IGSF9: variants seen among roughly 807,000 people sequenced by gnomAD.
The protein encoded by IGSF9 is immunoglobulin superfamily member 9.
A neutral mutation model predicts 121.7 loss-of-function variants in IGSF9; 87 were observed. That is an observed-to-expected ratio of 0.71 (90% CI 0.60 to 0.85). IGSF9 has a LOEUF of 0.85. IGSF9 is among the 40% of genes least tolerant of loss of function. The pLI is 0.00. For synonymous variants in IGSF9, 640 were observed against 648.4 expected (o/e 0.99, Z 0.20); for missense variants, 1,462 against 1,565.3 (o/e 0.93, Z 1.11).
In IGSF9 at chr1:159,928,608, A is replaced by G. The variant is rs2101873522; in HGVS notation, c.2780T>C (p.Leu927Pro). Residue 927 changes from leucine to proline, a missense_variant, in exon 19 of 21, where the codon CTG (leucine) becomes CCG (proline). By Grantham distance (98) the Leu-to-Pro change is moderately conservative (BLOSUM62 -3). This residue lies in a region of IGSF9 where 808 missense variants were observed against 815.2 expected (regional missense o/e 0.99). Coordinates refer to ENST00000368094, the MANE Select transcript of IGSF9 (RefSeq NM_001135050.2). The part of the protein sequence containing the change: ...LPGPGPLLQY[L>P]SLPFFREMNV... ...CATCTCTCGGAAGAAGGGCAGGCTCAGGTACTGGAGCAGGGGTCCAGGACC... is the reference window on the plus strand; with the variant it reads ...CATCTCTCGGAAGAAGGGCAGGCTCGGGTACTGGAGCAGGGGTCCAGGACC... 2 of 1,497,908 alleles carry G rather than the reference A, an allele frequency of 1.3e-6. No individual in the cohort carries two copies. Among genetic ancestry groups the G allele is most frequent in the Non-Finnish European group, 8.9e-7 (1 of 1,121,900 alleles). 92.8% of individuals were successfully genotyped at this position (1,497,908 alleles called of 1,614,324 possible).
intron 15 of IGSF9, 53 bp from the exon 16 acceptor site, chr1:159,930,028 C>G (rs1408590349): frequency 1.3e-6 from 2 of 1,578,090 alleles, no homozygotes; most frequent in African/African-American, 2.7e-5. Context: ...CACCGCCCAA[C>G]CCAGCGGGGC....
Position 159,937,745 on chromosome 1 carries a change from T to C in IGSF9, c.341A>G (p.Asp114Gly). Residue 114 changes from aspartate (D) to glycine (G), a missense_variant, in exon 4 of 21, where the codon GAC (aspartate) becomes GGC (glycine). Asp to Gly is a moderately conservative substitution (Grantham distance 94). Transcript: ENST00000368094. ...GWYECRVFFL[D>G]QHIPEDDFAN... Reference sequence around the variant, plus strand: ...AAAATCGTCTTCAGGGATGTGCTGGTCCAGGAAGAACACGCGGCACTCGTA... The same window carrying C: ...AAAATCGTCTTCAGGGATGTGCTGGCCCAGGAAGAACACGCGGCACTCGTA... 6.2e-7 allele frequency: 1 copy of C among 1,614,046 alleles called. No individual in the cohort carries two copies. Among genetic ancestry groups the C allele is most frequent in the Non-Finnish European group, 8.5e-7 (1 of 1,179,968 alleles).
Position 159,937,823 on chromosome 1 carries a change from T to A in IGSF9, c.263A>T (p.Gln88Leu), listed in dbSNP as rs764898212. 1.2e-6 allele frequency: 2 copies of A among 1,613,890 alleles called. No individual in the cohort carries two copies. Among genetic ancestry groups the A allele is most frequent in the Non-Finnish European group, 1.7e-6 (2 of 1,179,864 alleles). The change falls in exon 4 of 21, where the codon CAG becomes CTG. Residue 88 changes from glutamine to leucine, a missense_variant. Physicochemically the swap from Gln to Leu is moderately radical, Grantham distance 113. Transcript: ENST00000368094. ...CTCAATCTGGAGAGAGGCCCCCTTC[T>A]GCAGCCGGACTCGTCCTGGGGGAGG... ...DPDYVGRVRL[Q>L]KGASLQIEGL...
Position 159,932,187 on chromosome 1 carries a change from C to G in IGSF9, c.1246-259G>C, listed in dbSNP as rs1372164243. On this transcript the variant is annotated intron_variant, in intron 10 of 20. Coordinates refer to ENST00000368094, the MANE Select transcript of IGSF9 (RefSeq NM_001135050.2). This position sits in a 1 kb window ranked among gnomAD's most constrained non-coding sequence, Gnocchi z 4.1. ...GGCTGGCAGGCTTAGGCAGGACTCTCAGAGATGTACAAACCTCTGCAGAAC... is the reference window on the plus strand; with the variant it reads ...GGCTGGCAGGCTTAGGCAGGACTCTGAGAGATGTACAAACCTCTGCAGAAC... 5 of 567,490 alleles carry G rather than the reference C, an allele frequency of 8.8e-6. No homozygotes were observed. Among genetic ancestry groups the G allele is most frequent in the Admixed American group, 3.4e-5 (1 of 29,684 alleles). The allele number at this position is 567,490 out of a possible 1,614,324, so 35.2% of individuals were successfully genotyped here.
chr1:159,935,171 C>A lies in IGSF9; in HGVS notation c.674-349G>T, dbSNP rs146537732. ...TCTTGAATTACTTCTCTGTCTCTGG[C>A]CCTAACCCAGGTGCCCAATACCTCA... On this transcript the variant is annotated intron_variant, in intron 6 of 20. Coordinates refer to ENST00000368094, the MANE Select transcript of IGSF9 (RefSeq NM_001135050.2). 3.7e-3 allele frequency among the ~76,000 whole-genome samples: 568 copies of A among 152,242 alleles called. 2 individuals carry two copies. Among genetic ancestry groups the A allele is most frequent in the Non-Finnish European group, 5.9e-3 (404 of 68,012 alleles).
rs974679163 is a variant in IGSF9 at position 159,943,310 on chromosome 1, A to G, written c.58+87T>C. 8 of 1,394,742 alleles carry G rather than the reference A, an allele frequency of 5.7e-6. No homozygotes were observed. The African/African-American group carries it at 1.2e-4, about 20-fold the overall frequency. The allele number at this position is 1,394,742 out of a possible 1,614,324, so 86.4% of individuals were successfully genotyped here. Reference sequence around the variant, plus strand: ...CCAGCCCTATTCCTCCCCTGCCCTCACATGCTCAAAGAGGAACCCTTGAGG... The same window carrying G: ...CCAGCCCTATTCCTCCCCTGCCCTCGCATGCTCAAAGAGGAACCCTTGAGG... On this transcript the variant is annotated intron_variant, in intron 2 of 20. Coordinates refer to ENST00000368094, the MANE Select transcript of IGSF9 (RefSeq NM_001135050.2).
rs1557930438 is a variant in IGSF9, at chr1:159,929,337, G to T, written c.2369+14C>A. ...GGAAAGGCAGAAGAAAGCCAAGGAG[G>T]TGGAGGCACTTACGGTGCAGCTGAC... On this transcript the variant is annotated intron_variant, in intron 18 of 20. Transcript: ENST00000368094. 6.2e-7 allele frequency: 1 copy of T among 1,613,514 alleles called. No homozygotes were observed. Among genetic ancestry groups the T allele is most frequent in the East Asian group, 2.2e-5 (1 of 44,882 alleles).
chr1:159,932,844 A>G lies in IGSF9; in HGVS notation c.1105-192T>C. On this transcript the variant is annotated intron_variant, in intron 9 of 20. Transcript: ENST00000368094. This position sits in a 1 kb window ranked among gnomAD's most constrained non-coding sequence, Gnocchi z 4.1. ...TTCCTGCAGAGGGACCCCTCCCAAT[A>G]GTGTGAGGCTGTGACTGCACAACTC... is the stretch of plus-strand genomic sequence containing the variant. The G allele has an allele frequency of 1.7e-6, 1 of 573,852 alleles. No individual in the cohort carries two copies. The highest frequency in any genetic ancestry group is 3.0e-6 in the Non-Finnish European group (1 of 331,838). 35.5% of individuals were successfully genotyped at this position (573,852 alleles called of 1,614,324 possible).
At position 159,943,024 on chromosome 1, in the gene IGSF9, G is replaced by C. The variant is rs1162756400; in HGVS notation, c.186C>G (p.Phe62Leu). 3 of 1,613,244 alleles carry C rather than the reference G, an allele frequency of 1.9e-6. No homozygotes were observed. Among genetic ancestry groups the C allele is most frequent in the Middle Eastern group, 1.6e-4 (1 of 6,082 alleles). ...CGAACTGGATGAAGATGGGAAGCAG[G>C]AATCCAAAGCGCAGCCACTCGATGA... The part of the protein sequence containing the change: ...LHVIEWLRFG[F>L]LLPIFIQFGL... The change falls in exon 3 of 21, where the codon TTC (phenylalanine) becomes TTG (leucine). Residue 62 changes from phenylalanine (F) to leucine (L), a missense_variant. Physicochemically the swap from Phe to Leu is conservative, Grantham distance 22. Around this residue, in one of 3 missense-constraint regions of IGSF9, gnomAD observed 558 missense variants for 599.4 expected, o/e 0.93. Transcript: ENST00000368094.
intron 3 of IGSF9, among the ~76,000 whole-genome samples, chr1:159,940,467 G>A (rs1557937110): frequency 6.6e-6 from 1 of 152,212 alleles, no homozygotes. Context: ...CAGGGCTAAA[G>A]CCTGTTGACT....
intron 6 of IGSF9, among the ~76,000 whole-genome samples, chr1:159,936,044 C>T (rs1225230088): frequency 6.6e-6 from 1 of 152,194 alleles, no homozygotes; most frequent in African/African-American, 2.4e-5. Context: ...CTGGGCTCAG[C>T]TGCACCTAAG....
Position 159,930,860 on chromosome 1 carries a change from G to T in IGSF9, c.1645C>A (p.Arg549Ser), listed in dbSNP as rs141602236. ...CAGTCATGGTGCATTCGGTCAGGAC[G>T]CTTGGCCCTGGGAGACATGAGGACA... is the stretch of plus-strand genomic sequence containing the variant. ...FSVWYTPLAK[R>S]PDRMHHDWVS... Residue 549 changes from arginine to serine, a missense_variant, in exon 14 of 21, where the codon CGT (arginine) becomes AGT (serine). By Grantham distance (110) the Arg-to-Ser change is moderately radical (BLOSUM62 -1). Transcript: ENST00000368094. The T allele has an allele frequency of 2.5e-6, 4 of 1,604,520 alleles. No individual in the cohort carries two copies. Among genetic ancestry groups the T allele is most frequent in the Non-Finnish European group, 3.4e-6 (4 of 1,175,090 alleles).
chr1:159,942,433 A>G (rs1651415409), intron 3 of IGSF9, among the ~76,000 whole-genome samples: 1 of 152,120 alleles, frequency 6.6e-6, no homozygotes, highest in South Asian at 2.1e-4. Flanking sequence ...TGTCCCTGGA[A>G]AAGCAGAGAG....
rs1242898159 is a variant in IGSF9, at chr1:159,932,396, T to C, written c.1245+116A>G. ...GCCGTGGCCACCATGGGAAACAAACTTGGAAACCCCTCCCCATGTGTCTGC... is the reference window on the plus strand; with the variant it reads ...GCCGTGGCCACCATGGGAAACAAACCTGGAAACCCCTCCCCATGTGTCTGC... On this transcript the variant is annotated intron_variant, in intron 10 of 20. Coordinates refer to ENST00000368094, the MANE Select transcript of IGSF9 (RefSeq NM_001135050.2). This position sits in a 1 kb window ranked among gnomAD's most constrained non-coding sequence, Gnocchi z 4.1. 9 of 1,162,802 alleles carry C rather than the reference T, an allele frequency of 7.7e-6. No homozygotes were observed. The highest frequency in any genetic ancestry group is 1.1e-5 in the Non-Finnish European group (9 of 817,610). The allele number at this position is 1,162,802 out of a possible 1,614,324, so 72.0% of individuals were successfully genotyped here. A position where few individuals can be genotyped will look rare whatever the true frequency, so the allele number is the denominator to read the frequency against.
Position 159,927,207 on chromosome 1 carries a change from C to G in IGSF9, c.*138G>C. On this transcript the variant is annotated 3_prime_UTR_variant, in exon 21 of 21. Transcript: ENST00000368094. ...ACATACATTCCATACCAAGGTGACC[C>G]AAACCCACTATCAGGGTCTGTGCCT... The G allele has an allele frequency of 1.9e-6, 2 of 1,041,640 alleles. No homozygotes were observed. Among genetic ancestry groups the G allele is most frequent in the Non-Finnish European group, 2.9e-6 (2 of 684,160 alleles). 64.5% of individuals were successfully genotyped at this position (1,041,640 alleles called of 1,614,324 possible). A position where few individuals can be genotyped will look rare whatever the true frequency, so the allele number is the denominator to read the frequency against.
intron 3 of IGSF9, among the ~76,000 whole-genome samples, chr1:159,939,293 T>C (rs887142440): frequency 2.0e-5 from 3 of 152,132 alleles, no homozygotes; most frequent in African/African-American, 7.2e-5. Context: ...AGTGGTTTGA[T>C]TGTAGCTCAC....
rs904337162 is a variant in IGSF9 at position 159,936,480 on chromosome 1, G to A, written c.592C>T (p.Arg198Ter). The change falls in exon 6 of 21, where the codon CGA (arginine) becomes TGA (stop). Residue 198 changes from arginine to a stop codon, truncating the protein, a stop_gained. Coordinates refer to ENST00000368094, the MANE Select transcript of IGSF9 (RefSeq NM_001135050.2). LOFTEE classifies it high-confidence loss of function. ...NGTLRIRRVE[R>*]GSSGVYTCQA... ...CAGGTGTAGACCCCAGAGCTGCCTC[G>A]CTCTACCCGGCGGATCCGCAGCGTC... is the stretch of plus-strand genomic sequence containing the variant. 1.7e-5 allele frequency: 28 copies of A among 1,613,892 alleles called. No homozygotes were observed. Among genetic ancestry groups the A allele is most frequent in the Non-Finnish European group, 2.3e-5 (27 of 1,180,008 alleles).
In IGSF9 at chr1:159,928,700, C is replaced by T. The variant is rs1474055484; in HGVS notation, c.2688G>A (p.Gln896=). ...CSSSSPSGAP[Q]PLCIEDISPV... is the part of the protein sequence containing the mutation. The stretch of plus-strand genomic sequence containing the variant: ...GGCTGATGTCTTCAATGCAGAGGGG[C>T]TGGGGTGCCCCACTGGGGCTGCTGC... Residue 896 remains glutamine (Q), a synonymous_variant, in exon 19 of 21, where the codon CAG becomes CAA. Coordinates refer to ENST00000368094, the MANE Select transcript of IGSF9 (RefSeq NM_001135050.2). 6.8e-7 allele frequency: 1 copy of T among 1,477,998 alleles called. No individual in the cohort carries two copies. The highest frequency in any genetic ancestry group is 9.0e-7 in the Non-Finnish European group (1 of 1,112,778). 91.6% of individuals were successfully genotyped at this position (1,477,998 alleles called of 1,614,324 possible).
Position 159,927,383 on chromosome 1 carries a change from G to A in IGSF9, c.3502C>T (p.Gln1168Ter), listed in dbSNP as rs1650774680. Reference sequence around the variant, plus strand: ...GCCTGTTCGGGGTGGGGGACTGGCTGTCGATAGGCTGGTAGCCGAGCCCTA... The same window carrying A: ...GCCTGTTCGGGGTGGGGGACTGGCTATCGATAGGCTGGTAGCCGAGCCCTA... Reference protein sequence around the residue: ...ATRARLPAYRQPVPHPEQATL... With the variant: ...ATRARLPAYR The change falls in exon 21 of 21, where the codon CAG (glutamine) becomes TAG (stop). Residue 1168 changes from glutamine (Q) to a stop codon, truncating the protein, a stop_gained. Transcript: ENST00000368094. LOFTEE classifies it high-confidence loss of function. 2 of 1,613,846 alleles carry A rather than the reference G, an allele frequency of 1.2e-6. No homozygotes were observed. Among genetic ancestry groups the A allele is most frequent in the Non-Finnish European group, 1.7e-6 (2 of 1,180,042 alleles).
Sources: gnomAD v4.1 joint callset for allele counts (sites outside exome capture counted in the v4.1 genomes callset) on GRCh38, gnomAD v4.1.1 for gene constraint, gnomAD v4.1.1 regional missense constraint, Gnocchi (gnomAD v3.1) non-coding constraint, MANE v1.5 for transcripts, NCBI Gene and HGNC (gene_info 2026-07-23, HGNC 2026-07-21) for gene names.